Variants in CYP4F22 observed in about 807,000 individuals in gnomAD.
The protein encoded by CYP4F22 is cytochrome P450 family 4 subfamily F member 22, also known as ultra-long-chain fatty acid omega-hydroxylase.
A neutral mutation model predicts 60.4 loss-of-function variants in CYP4F22; 37 were observed. That is an observed-to-expected ratio of 0.61 (90% CI 0.47 to 0.81). The LOEUF (loss-of-function observed/expected upper bound fraction) is 0.81. Ranked by LOEUF, CYP4F22 falls within the 30% of genes least tolerant of loss-of-function variation. The pLI is 0.00. For missense variants in CYP4F22, 655 were observed against 715.0 expected, an observed-to-expected ratio of 0.92 and a Z score of 0.96; for synonymous variants, 258 against 280.5, an observed-to-expected ratio of 0.92 and a Z score of 0.80.
intron 1 of CYP4F22, among the ~76,000 whole-genome samples, chr19:15,518,552 G>T (rs541668263): frequency 3.3e-5 from 5 of 150,554 alleles, no homozygotes; most frequent in Admixed American, 2.7e-4. Flanking sequence ...AGGAGGCTGA[G>T]GCAGGAGAAT....
chr19:15,537,486 G>A lies in CYP4F22; in HGVS notation c.422-49G>A, dbSNP rs772707707. ...GGGAAGAGCATGGGGTTCCTTGGAAGGTTTCAGAGTAACAGGAGAGGTCCC... is the reference window on the plus strand; with the variant it reads ...GGGAAGAGCATGGGGTTCCTTGGAAAGTTTCAGAGTAACAGGAGAGGTCCC... On this transcript the variant is annotated intron_variant, in intron 5 of 13. Transcript: ENST00000269703. The A allele has an allele frequency of 2.5e-6, 4 of 1,614,158 alleles. No individual in the cohort carries two copies. In the Admixed American group the frequency reaches 6.7e-5, roughly 27 times the overall value.
At chr19:15,525,221 G>C in intron 2 of CYP4F22, 115 bp from the exon 3 acceptor site, 1 of 970,258 alleles carries the variant, frequency 1.0e-6, no homozygotes, top group Non-Finnish European at 1.6e-6. Context: ...AGGTATCCTT[G>C]GTGTCTGGAA....
chr19:15,551,244 C>A, intron 13 of CYP4F22, 50 bp from the exon 14 acceptor site: 5 of 1,586,012 alleles, frequency 3.2e-6, no homozygotes, highest in Non-Finnish European at 3.4e-6. Context: ...CCCCCGGGGA[C>A]CAGTGCTCAC....
At chr19:15,550,322 CAAA>C (rs201160347) in intron 12 of CYP4F22, among the ~76,000 whole-genome samples, 1 of 150,330 alleles carries the variant, frequency 6.7e-6, no homozygotes, top group Non-Finnish European at 1.5e-5. Context: ...GACAAACAAA[CAAA>C]AAAAAAGAAA....
intron 1 of CYP4F22, among the ~76,000 whole-genome samples, chr19:15,518,350 G>A (rs1340135900): frequency 1.3e-4 from 19 of 151,628 alleles, no homozygotes; most frequent in Non-Finnish European, 2.7e-4. Flanking sequence ...AAGAAAAACC[G>A]TGATAAAAGG....
intron 1 of CYP4F22, among the ~76,000 whole-genome samples, chr19:15,522,660 G>A (rs1971238744): frequency 6.6e-6 from 1 of 151,928 alleles, no homozygotes; most frequent in Non-Finnish European, 1.5e-5. Context: ...TTTAGCCTGC[G>A]TGATAGAGTG....
At chr19:15,535,567 C>T (rs1158927319) in intron 4 of CYP4F22, among the ~76,000 whole-genome samples, 1 of 152,140 alleles carries the variant, frequency 6.6e-6, no homozygotes, top group Non-Finnish European at 1.5e-5. Context: ...TTCATCCATC[C>T]ACTCATTCAT....
In CYP4F22 at chr19:15,525,528, G is replaced by T. The variant is rs752301632; in HGVS notation, c.192G>T (p.Arg64=). ...RRLRCFPQPP[R]RNWLLGHLGM... ...TGCGCTGCTTCCCCCAGCCTCCCCG[G>T]CGCAACTGGCTGCTGGGCCACCTGG... is the stretch of plus-strand genomic sequence containing the variant. Residue 64 remains arginine, a synonymous_variant, in exon 3 of 14, where the codon CGG becomes CGT. Coordinates refer to ENST00000269703, the MANE Select transcript of CYP4F22 (RefSeq NM_173483.4). The T allele has an allele frequency of 2.5e-5, 40 of 1,610,978 alleles. No individual in the cohort carries two copies. The highest frequency in any genetic ancestry group is 3.3e-5 in the Non-Finnish European group (39 of 1,179,886).
intron 10 of CYP4F22, among the ~76,000 whole-genome samples, chr19:15,546,503 G>C (rs1387666011): frequency 3.3e-5 from 5 of 152,142 alleles, no homozygotes; most frequent in African/African-American, 1.2e-4. Context: ...AGAATTGCTT[G>C]AACCTGGGAA....
chr19:15,519,008 G>C (rs1273511), intron 1 of CYP4F22, among the ~76,000 whole-genome samples: 14,899 of 152,072 alleles, frequency 0.098, 1,660 homozygotes, highest in African/African-American at 0.27. Flanking sequence ...TGGCTGAAAG[G>C]GGGAGGAAGA....
At position 15,529,804 on chromosome 19, in the gene CYP4F22, G is replaced by C. The variant is rs376599468; in HGVS notation, c.318G>C (p.Leu106=). The C allele has an allele frequency of 6.2e-7, 1 of 1,614,164 alleles. No homozygotes were observed. Among genetic ancestry groups the C allele is most frequent in the Admixed American group, 1.7e-5 (1 of 60,012 alleles). ...LLVWMGPVLP[L]LVLVHPDYIK... ...TATGGATGGGACCTGTCCTGCCGCT[G>C]TTGGTTCTGGTGCACCCTGATTACA... Residue 106 remains leucine, a synonymous_variant, in exon 4 of 14, where the codon CTG becomes CTC. Coordinates refer to ENST00000269703, the MANE Select transcript of CYP4F22 (RefSeq NM_173483.4).
At chr19:15,513,024 A>G (rs1294640793) in intron 1 of CYP4F22, among the ~76,000 whole-genome samples, 3 of 149,342 alleles carry the variant, frequency 2.0e-5, no homozygotes, top group East Asian at 2.0e-4. Context: ...TTTTTGTATT[A>G]CCATTTATTG....
chr19:15,549,543 G>A (rs557586196), intron 12 of CYP4F22, among the ~76,000 whole-genome samples: 2 of 152,224 alleles, frequency 1.3e-5, no homozygotes, highest in South Asian at 2.1e-4. Flanking sequence ...GGCCAGTTCC[G>A]GTTTACAGGT....
In CYP4F22 at chr19:15,548,200, C is replaced by A; in HGVS notation, c.1229C>A (p.Thr410Lys). The A allele has an allele frequency of 6.2e-7, 1 of 1,614,130 alleles. No homozygotes were observed. The highest frequency in any genetic ancestry group is 8.5e-7 in the Non-Finnish European group (1 of 1,180,030). ...GTCACTCTTGTCTCTCGCCAATGCA[C>A]GGAGGACATCAAGCTCCCAGATGGG... ...PPVTLVSRQCTEDIKLPDGRI... is the reference protein window; with the variant it reads ...PPVTLVSRQCKEDIKLPDGRI... The change falls in exon 11 of 14, where the codon ACG becomes AAG. Residue 410 changes from threonine (T) to lysine (K), a missense_variant. By Grantham distance (78) the Thr-to-Lys change is moderately conservative. Transcript: ENST00000269703.
chr19:15,551,584 CTCCTGG>C lies in CYP4F22; in HGVS notation c.*114_*119del. 7.7e-7 allele frequency: 1 copy of C among 1,306,476 alleles called. No homozygotes were observed. Among genetic ancestry groups the C allele is most frequent in the South Asian group, 1.4e-5 (1 of 71,916 alleles). 80.9% of individuals were successfully genotyped at this position (1,306,476 alleles called of 1,614,324 possible). A position where few individuals can be genotyped will look rare whatever the true frequency, so the allele number is the denominator to read the frequency against. On this transcript the variant is annotated 3_prime_UTR_variant, in exon 14 of 14. Transcript: ENST00000269703. ...CACCCCCCTCGAAGTTCAGGTTCAG[CTCCTGG>C]ATGACCAGGCACCGCTGTTGAGCAG...
chr19:15,535,282 C>A (rs1971383484), intron 4 of CYP4F22, among the ~76,000 whole-genome samples: 1 of 152,218 alleles, frequency 6.6e-6, no homozygotes, highest in Non-Finnish European at 1.5e-5. Context: ...AGGAGCTCCT[C>A]CAGGGAGGGC....
rs1023187559 is a variant in CYP4F22, at chr19:15,548,240, A to G, written c.1269A>G (p.Lys423=). Reference sequence around the variant, plus strand: ...TCCCAGATGGGCGCATCATCCCCAAAGGTGCCTACCATGTTCCGCCTGCTG... The same window carrying G: ...TCCCAGATGGGCGCATCATCCCCAAGGGTGCCTACCATGTTCCGCCTGCTG... The part of the protein sequence containing the change: ...IKLPDGRIIP[K]GIICLVSIYG... Residue 423 remains lysine, a splice_region_variant and synonymous_variant, in exon 11 of 14, where the codon AAA becomes AAG. Transcript: ENST00000269703. The G allele has an allele frequency of 1.9e-6, 3 of 1,614,064 alleles. No individual in the cohort carries two copies. The Admixed American group carries it at 5.0e-5, about 27-fold the overall frequency.
intron 8 of CYP4F22, among the ~76,000 whole-genome samples, chr19:15,543,408 T>A (rs768350673): frequency 6.6e-6 from 1 of 152,010 alleles, no homozygotes; most frequent in African/African-American, 2.4e-5. Context: ...CCCAGGCTGG[T>A]CTTGAACGCC....
chr19:15,551,565 C>A lies in CYP4F22; in HGVS notation c.*94C>A. On this transcript the variant is annotated 3_prime_UTR_variant, in exon 14 of 14. Transcript: ENST00000269703. ...AGATCCCGAGGGCATAGGCCACCCC[C>A]CTCGAAGTTCAGGTTCAGCTCCTGG... 1 of 1,433,564 alleles carries A rather than the reference C, an allele frequency of 7.0e-7. No individual in the cohort carries two copies. The highest frequency in any genetic ancestry group is 2.5e-5 in the East Asian group (1 of 40,012). 88.8% of individuals were successfully genotyped at this position (1,433,564 alleles called of 1,614,324 possible).
Sources: allele counts gnomAD v4.1 joint callset (sites outside exome capture counted in the v4.1 genomes callset), GRCh38; gene constraint gnomAD v4.1.1; transcripts MANE v1.5; gene names NCBI Gene and HGNC (gene_info 2026-07-23, HGNC 2026-07-21).